VAV1: variants seen among roughly 807,000 people sequenced by gnomAD.
VAV1 encodes proto-oncogene vav.
Under a neutral mutation model 128.1 loss-of-function variants are expected in VAV1, and 33 were observed. The observed-to-expected ratio is 0.26, with a 90% confidence interval of 0.20 to 0.34. The LOEUF (loss-of-function observed/expected upper bound fraction) is 0.34, where lower values mean the gene tolerates loss of function less well. Among genes scored for constraint, VAV1 ranks in the 10% least tolerant of loss-of-function variants. The probability of loss-of-function intolerance (pLI) is 1.00; values close to 1 mark genes in which losing one functional copy is unlikely to be tolerated. For missense variants in VAV1, 715 were observed against 1,093.7 expected, an observed-to-expected ratio of 0.65 and a Z score of 4.88; for synonymous variants, 394 against 409.8, an observed-to-expected ratio of 0.96 and a Z score of 0.47.
Position 6,832,151 on chromosome 19 carries a change from A to G in VAV1, c.1459A>G (p.Lys487Glu). Reference protein sequence around the residue: ...QGAQGYELFFKTRELKKKWME... With the variant: ...QGAQGYELFFETRELKKKWME... ...TGCCCAGGGCTATGAGCTGTTCTTC[A>G]AGACAAGAGAATTGAAGAAGAAGTG... The change falls in exon 15 of 27, where the codon AAG becomes GAG. Residue 487 changes from lysine (K) to glutamate (E), a missense_variant. Transcript: ENST00000602142. 6.2e-7 allele frequency: 1 copy of G among 1,614,148 alleles called. No individual in the cohort carries two copies. The highest frequency in any genetic ancestry group is 8.5e-7 in the Non-Finnish European group (1 of 1,180,028).
rs750290415 is a variant in VAV1 at position 6,844,048 on chromosome 19, TTTC to T, written c.2012+897_2012+899del. On this transcript the variant is annotated intron_variant, in intron 22 of 26. Transcript: ENST00000602142. Reference sequence around the variant, plus strand: ...ACTCTCTGCCCCCATACTTTCTTCTTTTCTTCTTCTTCTTCTTTTTTTTTTTTT... The same window carrying T: ...ACTCTCTGCCCCCATACTTTCTTCTTTTCTTCTTCTTCTTTTTTTTTTTTT... Among the ~76,000 whole-genome samples, 96 of 144,424 alleles carry T rather than the reference TTTC, an allele frequency of 6.6e-4. 1 individual carries two copies. Among genetic ancestry groups the T allele is most frequent in the Non-Finnish European group, 1.0e-3 (67 of 66,368 alleles). 94.7% of individuals were successfully genotyped at this position (144,424 alleles called of 152,430 possible). A position where few individuals can be genotyped will look rare whatever the true frequency, so the allele number is the denominator to read the frequency against.
At chr19:6,841,496 T>C (rs572516099) in intron 21 of VAV1, among the ~76,000 whole-genome samples, 3 of 137,962 alleles carry the variant, frequency 2.2e-5, no homozygotes, top group South Asian at 4.7e-4. Context: ...TTTTTTTTGA[T>C]AGGGAGTTTT....
At chr19:6,832,045 C>T (rs1331342875) in intron 14 of VAV1, 46 bp from the exon 15 acceptor site, 1 of 1,586,462 alleles carries the variant, frequency 6.3e-7, no homozygotes, top group Non-Finnish European at 8.6e-7. Context: ...GTGCTCCCAC[C>T]CTCTGCGGGG....
At chr19:6,845,109 A>C (rs1972486514) in intron 22 of VAV1, among the ~76,000 whole-genome samples, 1 of 152,166 alleles carries the variant, frequency 6.6e-6, no homozygotes, top group Admixed American at 6.6e-5. Flanking sequence ...GGCTGGGCGC[A>C]GTGGCTCACG....
At chr19:6,788,923 AT>A in intron 1 of VAV1, among the ~76,000 whole-genome samples, 1 of 152,306 alleles carries the variant, frequency 6.6e-6, no homozygotes, top group Non-Finnish European at 1.5e-5. Flanking sequence ...TTAAGCCAGA[AT>A]TTCTGATTCT....
In VAV1 at chr19:6,821,700, T is replaced by C; in HGVS notation, c.380+20T>C. 2 of 1,614,150 alleles carry C rather than the reference T, an allele frequency of 1.2e-6. No homozygotes were observed. Among genetic ancestry groups the C allele is most frequent in the Non-Finnish European group, 1.7e-6 (2 of 1,180,000 alleles). Reference sequence around the variant, plus strand: ...GATCATGTGAGTAACCACCTGGGCCTTGGGCCATTTAGCCCCAGTCCTCCC... The same window carrying C: ...GATCATGTGAGTAACCACCTGGGCCCTGGGCCATTTAGCCCCAGTCCTCCC... On this transcript the variant is annotated intron_variant, in intron 3 of 26. Coordinates refer to ENST00000602142, the MANE Select transcript of VAV1 (RefSeq NM_005428.4).
intron 1 of VAV1, among the ~76,000 whole-genome samples, chr19:6,790,831 A>C (rs1971002680): frequency 6.6e-6 from 1 of 152,184 alleles, no homozygotes; most frequent in African/African-American, 2.4e-5. Context: ...GTAACTTCTG[A>C]GTTGTCAGGT....
intron 6 of VAV1, 36 bp from the exon 7 acceptor site, chr19:6,825,017 C>T (rs765102579): frequency 2.4e-5 from 39 of 1,610,314 alleles, no homozygotes; most frequent in Non-Finnish European, 3.2e-5. Context: ...AGGAGGGAAT[C>T]TTATCTTCCG....
intron 1 of VAV1, among the ~76,000 whole-genome samples, chr19:6,783,519 G>C (rs920085785): frequency 7.4e-6 from 1 of 135,278 alleles, no homozygotes; most frequent in Non-Finnish European, 1.5e-5. Flanking sequence ...TTTTCCTCCA[G>C]GCTGGAGTGC....
At chr19:6,830,865 A>G (rs1334698530) in intron 14 of VAV1, among the ~76,000 whole-genome samples, 1 of 152,060 alleles carries the variant, frequency 6.6e-6, no homozygotes, top group African/African-American at 2.4e-5. Context: ...AGGTGGGAGA[A>G]TTGCTTGAGC....
At position 6,828,618 on chromosome 19, in the gene VAV1, C is replaced by G; in HGVS notation, c.1093-4C>G. 1 of 1,613,974 alleles carries G rather than the reference C, an allele frequency of 6.2e-7. No individual in the cohort carries two copies. Among genetic ancestry groups the G allele is most frequent in the Non-Finnish European group, 8.5e-7 (1 of 1,179,956 alleles). ...GGCCAGGTTCACCCCTGCCCCCTCC[C>G]CAGGACCTGGCTCAGTGCGTGAACG... On this transcript the variant is annotated splice_polypyrimidine_tract_variant and splice_region_variant and intron_variant, in intron 11 of 26. Coordinates refer to ENST00000602142, the MANE Select transcript of VAV1 (RefSeq NM_005428.4). This position sits in a 1 kb window ranked among gnomAD's most constrained non-coding sequence, Gnocchi z 4.5.
intron 1 of VAV1, among the ~76,000 whole-genome samples, chr19:6,783,627 C>A (rs150853254): frequency 1.1e-4 from 16 of 152,176 alleles, no homozygotes; most frequent in Middle Eastern, 3.4e-3. Flanking sequence ...GGATTACAGG[C>A]ATGCACCATC....
chr19:6,845,548 A>G (rs2042119772), intron 22 of VAV1, among the ~76,000 whole-genome samples: 1 of 151,636 alleles, frequency 6.6e-6, no homozygotes, highest in African/African-American at 2.4e-5. Context: ...ATATGCAATT[A>G]CATATGATTT....
Position 6,820,423 on chromosome 19 carries a change from T to C in VAV1, c.205-279T>C, listed in dbSNP as rs1971753831. 6.6e-6 allele frequency among the ~76,000 whole-genome samples: 1 copy of C among 152,230 alleles called. No individual in the cohort carries two copies. Among genetic ancestry groups the C allele is most frequent in the Non-Finnish European group, 1.5e-5 (1 of 68,042 alleles). The stretch of plus-strand genomic sequence containing the variant: ...GTATGAATCAGTGCTTCATTCCTTT[T>C]TATGGCTGAATAATATTCCATTGTA... On this transcript the variant is annotated intron_variant, in intron 1 of 26. Transcript: ENST00000602142. The surrounding 1 kb of genome is among the most constrained non-coding windows in gnomAD (Gnocchi z 4.4).
At chr19:6,850,635 C>T (rs1972647667) in intron 23 of VAV1, 35 bp from the exon 24 acceptor site, 1 of 1,600,526 alleles carries the variant, frequency 6.2e-7, no homozygotes, top group African/African-American at 1.3e-5. Flanking sequence ...GGGCCTGGTC[C>T]CCAGACTCAG....
intron 9 of VAV1, 93 bp from the exon 10 acceptor site, chr19:6,827,983 C>T: frequency 9.6e-7 from 1 of 1,042,354 alleles, no homozygotes. Context: ...TGGAGAGCTG[C>T]TCACGTATTT....
At chr19:6,786,950 TCTTACTGC>T (rs1970906027) in intron 1 of VAV1, among the ~76,000 whole-genome samples, 1 of 151,888 alleles carries the variant, frequency 6.6e-6, no homozygotes, top group South Asian at 2.1e-4. Flanking sequence ...GAAAGTAGAG[TCTTACTGC>T]CTTATTTTGA....
intron 22 of VAV1, among the ~76,000 whole-genome samples, chr19:6,845,486 A>G (rs1036464559): frequency 1.3e-5 from 2 of 152,048 alleles, no homozygotes; most frequent in Non-Finnish European, 2.9e-5. Flanking sequence ...TTCTATTTCT[A>G]TTCATATTTA....
At chr19:6,855,104 AC>A (rs1441059748) in intron 26 of VAV1, among the ~76,000 whole-genome samples, 4 of 152,174 alleles carry the variant, frequency 2.6e-5, no homozygotes, top group African/African-American at 9.6e-5. Context: ...AAGGCAGAGC[AC>A]CTTCTTTATT....
Sources: allele counts gnomAD v4.1 joint callset (sites outside exome capture counted in the v4.1 genomes callset), GRCh38; gene constraint gnomAD v4.1.1; non-coding constraint Gnocchi (gnomAD v3.1); transcripts MANE v1.5; gene names NCBI Gene and HGNC (gene_info 2026-07-23, HGNC 2026-07-21).